The following IGSF10 variants were observed in gnomAD, a reference collection of about 807,000 sequenced individuals.
IGSF10 encodes immunoglobulin superfamily member 10.
IGSF10 carries 126 observed loss-of-function variants against 128.2 expected under a neutral mutation model. The ratio of observed to expected loss-of-function variants is 0.98; its 90% CI spans 0.85 to 1.14. The LOEUF is 1.14. Among genes scored for constraint, IGSF10 ranks in the 50% most tolerant of loss-of-function variants. The pLI is 0.00. For missense variants in IGSF10, 3,295 were observed against 3,149.8 expected, an observed-to-expected ratio of 1.05 and a Z score of -1.10; for synonymous variants, 1,185 against 1,146.2, an observed-to-expected ratio of 1.03 and a Z score of -0.68.
At chr3:151,518,876 T>C in the IGSF10 span, among the ~76,000 whole-genome samples, 2 of 151,884 alleles carry the variant, frequency 1.3e-5, no homozygotes, top group South Asian at 2.1e-4. Flanking sequence ...CTAAATTTGA[T>C]AGATTTAGTG....
At chr3:151,494,611 T>C in the IGSF10 span, among the ~76,000 whole-genome samples, 2 of 152,144 alleles carry the variant, frequency 1.3e-5, no homozygotes, top group African/African-American at 4.8e-5. Flanking sequence ...CCCAATTTAA[T>C]AATCAGATCT....
the IGSF10 span, among the ~76,000 whole-genome samples, chr3:151,493,326 T>A: frequency 6.6e-6 from 1 of 152,194 alleles, no homozygotes; most frequent in African/African-American, 2.4e-5. Flanking sequence ...ATATATTAGT[T>A]TGCTTCACTA....
At chr3:151,618,436 T>C in the IGSF10 span, among the ~76,000 whole-genome samples, 1 of 152,172 alleles carries the variant, frequency 6.6e-6, no homozygotes, top group Non-Finnish European at 1.5e-5. Context: ...AGTTTTAAAA[T>C]GTCTATACTG....
chr3:151,521,950 C>CACT, the IGSF10 span, among the ~76,000 whole-genome samples: 1 of 151,458 alleles, frequency 6.6e-6, no homozygotes, highest in African/African-American at 2.4e-5. Context: ...AGACAGGCCA[C>CACT]ACTAGCTAGA....
At chr3:151,513,299 G>A in the IGSF10 span, among the ~76,000 whole-genome samples, 1 of 151,896 alleles carries the variant, frequency 6.6e-6, no homozygotes, top group Non-Finnish European at 1.5e-5. Flanking sequence ...TGGGATGCAA[G>A]GCTGGTTCAA....
chr3:151,447,244 T>A lies in IGSF10; in HGVS notation c.2737A>T (p.Arg913Ter). ...GGGGGTCTACTTTGGAAATGCTCTC[T>A]TCCTCTTCCCATCTGGTCAGAGTCC... ...FQDSDQMGRG[R>*]EHFQSRPPIT... Residue 913 changes from arginine (R) to a stop codon, truncating the protein, a stop_gained, in exon 6 of 8, where the codon AGA (arginine) becomes TGA (stop). Coordinates refer to ENST00000282466, the MANE Select transcript of IGSF10 (RefSeq NM_178822.5). LOFTEE classifies it high-confidence loss of function. 1 of 1,614,244 alleles carries A rather than the reference T, an allele frequency of 6.2e-7. No individual in the cohort carries two copies. Among genetic ancestry groups the A allele is most frequent in the Non-Finnish European group, 8.5e-7 (1 of 1,180,028 alleles).
the IGSF10 span, among the ~76,000 whole-genome samples, chr3:151,614,719 C>T: frequency 1.3e-5 from 2 of 151,926 alleles, no homozygotes; most frequent in South Asian, 2.1e-4. Flanking sequence ...ATACCTAATG[C>T]TAAATGACAA....
the IGSF10 span, among the ~76,000 whole-genome samples, chr3:151,530,949 A>G: frequency 6.6e-6 from 1 of 152,102 alleles, no homozygotes; most frequent in Non-Finnish European, 1.5e-5. Flanking sequence ...AACCCATCTC[A>G]CATGCAAAGA....
the IGSF10 span, among the ~76,000 whole-genome samples, chr3:151,566,928 G>A: frequency 0.72 from 109,826 of 152,074 alleles, 39,808 homozygotes; most frequent in South Asian, 0.77. Context: ...GAAGAGATGA[G>A]TCTCTCTGTT....
the IGSF10 span, among the ~76,000 whole-genome samples, chr3:151,559,730 A>C: frequency 1.3e-5 from 2 of 152,234 alleles, no homozygotes; most frequent in South Asian, 4.2e-4. Context: ...GGAGAGTAAG[A>C]GAGTGGTCCT....
chr3:151,516,186 C>G, the IGSF10 span, among the ~76,000 whole-genome samples: 2 of 151,918 alleles, frequency 1.3e-5, no homozygotes, highest in East Asian at 3.9e-4. Flanking sequence ...GAAGGTTCCT[C>G]CATATTCTTA....
chr3:151,464,810 T>G (rs757015628), upstream of IGSF10, among the ~76,000 whole-genome samples: 1 of 152,206 alleles, frequency 6.6e-6, no homozygotes, highest in Non-Finnish European at 1.5e-5. Context: ...AAGTGATAAG[T>G]GCCATGAAGA....
chr3:151,498,973 G>A, the IGSF10 span, among the ~76,000 whole-genome samples: 1 of 151,858 alleles, frequency 6.6e-6, no homozygotes, highest in South Asian at 2.1e-4. Flanking sequence ...TTTTTCAAGA[G>A]ATCTAACAAA....
At chr3:151,617,320 C>CTTCTTCTTCTCCTCCT in the IGSF10 span, among the ~76,000 whole-genome samples, 29 of 83,626 alleles carry the variant, frequency 3.5e-4, 1 homozygote, top group African/African-American at 1.1e-3. Context: ...CTTCTTCTTC[C>CTTCTTCTTCTCCTCCT]CCTCCTCCTC....
chr3:151,523,790 T>C, the IGSF10 span, among the ~76,000 whole-genome samples: 1 of 151,930 alleles, frequency 6.6e-6, no homozygotes, highest in East Asian at 1.9e-4. Context: ...TCGCAACAAA[T>C]GCCAAAATTT....
chr3:151,508,160 T>C, the IGSF10 span, among the ~76,000 whole-genome samples: 1 of 152,066 alleles, frequency 6.6e-6, no homozygotes, highest in Admixed American at 6.5e-5. Context: ...GAGGAAGTTA[T>C]AAAGGCATAA....
chr3:151,436,333 C>CATTG lies in IGSF10; in HGVS notation c.*352_*355dup, dbSNP rs551560844. The CATTG allele has an allele frequency of 1.1e-4, 20 of 179,150 alleles. No homozygotes were observed. Among genetic ancestry groups the CATTG allele is most frequent in the South Asian group, 9.0e-4 (7 of 7,784 alleles). 11.1% of individuals were successfully genotyped at this position (179,150 alleles called of 1,614,324 possible). On this transcript the variant is annotated 3_prime_UTR_variant, in exon 8 of 8. Transcript: ENST00000282466. ...TCTGTTCTGAGTGCCATGCTTGTAA[C>CATTG]ATTGATAGGAGGTGGACACTAGGCA...
the IGSF10 span, among the ~76,000 whole-genome samples, chr3:151,550,375 T>G: frequency 6.6e-6 from 1 of 152,192 alleles, no homozygotes. Context: ...TAATTGAGAA[T>G]TTATTTTTAA....
chr3:151,556,887 A>T, the IGSF10 span, among the ~76,000 whole-genome samples: 1 of 152,180 alleles, frequency 6.6e-6, no homozygotes, highest in Non-Finnish European at 1.5e-5. Flanking sequence ...GCCAGTTTGG[A>T]TAACCATTTC....
Sources: gnomAD v4.1 joint callset for allele counts (sites outside exome capture counted in the v4.1 genomes callset) on GRCh38, gnomAD v4.1.1 for gene constraint, MANE v1.5 for transcripts, NCBI Gene and HGNC (gene_info 2026-07-23, HGNC 2026-07-21) for gene names.